TP63: variants seen among roughly 807,000 people sequenced by gnomAD.
TP63 encodes the protein tumor protein p63, also known as tumor protein 63.
A neutral mutation model predicts 82.8 loss-of-function variants in TP63; 17 were observed. The ratio of observed to expected loss-of-function variants is 0.21; its 90% CI spans 0.14 to 0.31. The LOEUF (loss-of-function observed/expected upper bound fraction) is 0.31, where lower values mean the gene tolerates loss of function less well. TP63 is among the 10% of genes least tolerant of loss of function. TP63 has a pLI of 1.00. For synonymous variants in TP63, 330 were observed against 321.7 expected (o/e 1.03, Z -0.28); for missense variants, 648 against 895.3 (o/e 0.72, Z 3.52).
rs1440832594 is a variant in TP63 at position 189,895,215 on chromosome 3, G to A, written c.*713G>A. 1.4e-5 allele frequency: 3 copies of A among 221,072 alleles called. No homozygotes were observed. Among genetic ancestry groups the A allele is most frequent in the Non-Finnish European group, 2.7e-5 (3 of 110,658 alleles). The allele number at this position is 221,072 out of a possible 1,614,324, so 13.7% of individuals were successfully genotyped here. On this transcript the variant is annotated 3_prime_UTR_variant, in exon 14 of 14. Transcript: ENST00000264731. ...ATTTCTTCTAGTGATGATGGTTCAC[G>A]TTGGGGTGATTTAATCCAGTTATAA... is the stretch of plus-strand genomic sequence containing the variant.
At chr3:189,863,987 G>A (rs1344529032) in intron 4 of TP63, among the ~76,000 whole-genome samples, 2 of 152,154 alleles carry the variant, frequency 1.3e-5, no homozygotes, top group Non-Finnish European at 2.9e-5. Flanking sequence ...GGAAATAATG[G>A]CATAAATGTG....
chr3:189,782,429 G>C (rs1005088330), intron 3 of TP63, among the ~76,000 whole-genome samples: 1 of 152,170 alleles, frequency 6.6e-6, no homozygotes, highest in African/African-American at 2.4e-5. Flanking sequence ...ATGGCAGTAA[G>C]TAGGGGGGCC....
chr3:189,816,448 C>G (rs533600625), intron 4 of TP63, among the ~76,000 whole-genome samples: 1 of 152,256 alleles, frequency 6.6e-6, no homozygotes, highest in African/African-American at 2.4e-5. Context: ...GCAATTGTTC[C>G]TACCCGCTTT....
At chr3:189,743,443 A>C (rs1721144189) in intron 3 of TP63, among the ~76,000 whole-genome samples, 1 of 152,106 alleles carries the variant, frequency 6.6e-6, no homozygotes, top group Non-Finnish European at 1.5e-5. Flanking sequence ...TTGGCCTGTA[A>C]GTTCCAGTTT....
At position 189,646,010 on chromosome 3, in the gene TP63, A is replaced by T. The variant is rs947124591; in HGVS notation, c.62+14433A>T. Among the ~76,000 whole-genome samples the T allele has an allele frequency of 2.0e-5, 3 of 147,156 alleles. 1 individual carries two copies. Among genetic ancestry groups the T allele is most frequent in the Non-Finnish European group, 4.5e-5 (3 of 67,338 alleles). ...ATGACTTCTTTTCCTTTGGGTAAGA[A>T]TCTGTATTTTAACAAGAACTCAAGG... On this transcript the variant is annotated intron_variant, in intron 1 of 13. Transcript: ENST00000264731.
intron 1 of TP63, among the ~76,000 whole-genome samples, chr3:189,697,727 TG>T (rs1429832684): frequency 6.6e-6 from 1 of 152,094 alleles, no homozygotes; most frequent in Non-Finnish European, 1.5e-5. Flanking sequence ...CTTGAATTTT[TG>T]TCAGTTTTAT....
intron 3 of TP63, among the ~76,000 whole-genome samples, chr3:189,739,339 C>A (rs1720815640): frequency 6.6e-6 from 1 of 152,168 alleles, no homozygotes. Flanking sequence ...TGGTCTCGAA[C>A]TCTTGCCTTC....
chr3:189,716,840 C>G (rs1718997677), intron 1 of TP63, among the ~76,000 whole-genome samples: 1 of 151,876 alleles, frequency 6.6e-6, no homozygotes, highest in African/African-American at 2.4e-5. Flanking sequence ...TCTGTCTCAC[C>G]CAGGCTGTAG....
intron 1 of TP63, among the ~76,000 whole-genome samples, chr3:189,691,909 A>G (rs970861081): frequency 1.3e-5 from 2 of 152,228 alleles, no homozygotes; most frequent in African/African-American, 4.8e-5. Context: ...ATCTTGCCCA[A>G]GTCAATTATG....
At chr3:189,682,526 G>T (rs1716008789) in intron 1 of TP63, among the ~76,000 whole-genome samples, 1 of 106,190 alleles carries the variant, frequency 9.4e-6, no homozygotes, top group Non-Finnish European at 1.8e-5. Context: ...CTGGGACTTG[G>T]TCCTAAGGGG....
rs551736085 is a variant in TP63 at position 189,816,323 on chromosome 3, G to T, written c.579+7797G>T. ...AAACTTAAAATCGGCCCTGAGTGAT[G>T]TGTACCATTTATTGTGGGATTGTCG... On this transcript the variant is annotated intron_variant, in intron 4 of 13. Coordinates refer to ENST00000264731, the MANE Select transcript of TP63 (RefSeq NM_003722.5). 9.8e-5 allele frequency among the ~76,000 whole-genome samples: 15 copies of T among 152,286 alleles called. No individual in the cohort carries two copies. The South Asian group carries it at 3.1e-3, about 32-fold the overall frequency.
At chr3:189,768,812 G>A (rs564974787) in intron 3 of TP63, among the ~76,000 whole-genome samples, 3 of 152,196 alleles carry the variant, frequency 2.0e-5, no homozygotes, top group African/African-American at 4.8e-5. Context: ...TGAATGTAAC[G>A]GATAAAGCAT....
intron 3 of TP63, among the ~76,000 whole-genome samples, chr3:189,779,924 A>G (rs1724098133): frequency 6.6e-6 from 1 of 152,214 alleles, no homozygotes; most frequent in African/African-American, 2.4e-5. Context: ...CCTTGCTCTC[A>G]AGCTTCTATT....
chr3:189,765,312 T>C (rs1722856504), intron 3 of TP63, among the ~76,000 whole-genome samples: 1 of 152,002 alleles, frequency 6.6e-6, no homozygotes, highest in African/African-American at 2.4e-5. Context: ...TATTGTTTTT[T>C]TCCCCCCTGA....
At chr3:189,788,065 T>C (rs181339370) in intron 3 of TP63, among the ~76,000 whole-genome samples, 3 of 148,712 alleles carry the variant, frequency 2.0e-5, no homozygotes, top group Admixed American at 6.8e-5. Flanking sequence ...CAAAAAATTA[T>C]ACTGTATTTT....
rs551970648 is a variant in TP63 at position 189,841,153 on chromosome 3, T to C, written c.580-23079T>C. Among the ~76,000 whole-genome samples the C allele has an allele frequency of 2.2e-4, 33 of 152,242 alleles. No homozygotes were observed. In the South Asian group the frequency reaches 6.4e-3, roughly 30 times the overall value. On this transcript the variant is annotated intron_variant, in intron 4 of 13. Transcript: ENST00000264731. ...AGGAAGACATCCTGCAATGTACATA[T>C]AGTATGTGCCTTATGTACAGTAAGG...
chr3:189,635,538 G>A (rs981377861), intron 1 of TP63, among the ~76,000 whole-genome samples: 3 of 152,088 alleles, frequency 2.0e-5, no homozygotes, highest in African/African-American at 4.8e-5. Flanking sequence ...TCCTGCAGGA[G>A]AGTGAAGTTG....
At chr3:189,761,815 G>A (rs566349469) in intron 3 of TP63, among the ~76,000 whole-genome samples, 1 of 152,314 alleles carries the variant, frequency 6.6e-6, no homozygotes, top group Non-Finnish European at 1.5e-5. Flanking sequence ...CATGGCTGGG[G>A]AGGCCTCACA....
In TP63 at chr3:189,808,342, G is replaced by A. The variant is rs989652391; in HGVS notation, c.395G>A (p.Ser132Asn). 6.2e-7 allele frequency: 1 copy of A among 1,614,182 alleles called. No individual in the cohort carries two copies. Among genetic ancestry groups the A allele is most frequent in the Non-Finnish European group, 8.5e-7 (1 of 1,180,042 alleles). ...QQIQNGSSST[S>N]PYNTDHAQNS... ...ATTCAGAACGGCTCCTCGTCCACCAGTCCCTATAACACAGACCACGCGCAG... is the reference window on the plus strand; with the variant it reads ...ATTCAGAACGGCTCCTCGTCCACCAATCCCTATAACACAGACCACGCGCAG... The change falls in exon 4 of 14, where the codon AGT (serine) becomes AAT (asparagine). Residue 132 changes from serine to asparagine, a missense_variant. Physicochemically the swap from Ser to Asn is conservative, Grantham distance 46. Transcript: ENST00000264731.
Sources: allele counts gnomAD v4.1 joint callset (sites outside exome capture counted in the v4.1 genomes callset), GRCh38; gene constraint gnomAD v4.1.1; transcripts MANE v1.5; gene names NCBI Gene and HGNC (gene_info 2026-07-23, HGNC 2026-07-21).